The following MOB3B variants were observed in gnomAD, a reference collection of about 807,000 sequenced individuals.
MOB3B encodes the protein MOB kinase activator 3B, also known as MOB kinase activator-like 2B.
Under a neutral mutation model 18.7 loss-of-function variants are expected in MOB3B, and 7 were observed. That is an observed-to-expected ratio of 0.37 (90% CI 0.21 to 0.70). The LOEUF (loss-of-function observed/expected upper bound fraction) is 0.70, where lower values mean the gene tolerates loss of function less well. MOB3B is among the 30% of genes least tolerant of loss of function. MOB3B has a pLI of 0.52. For missense variants in MOB3B, 253 were observed against 281.3 expected, an observed-to-expected ratio of 0.90 and a Z score of 0.72; for synonymous variants, 111 against 99.9, an observed-to-expected ratio of 1.11 and a Z score of -0.66.
intron 2 of MOB3B, among the ~76,000 whole-genome samples, chr9:27,395,641 C>T (rs1339064359): frequency 6.6e-6 from 1 of 152,138 alleles, no homozygotes; most frequent in African/African-American, 2.4e-5. Flanking sequence ...GTGATCTAGT[C>T]AATAACAGGA....
At chr9:27,503,072 A>T (rs1207707501) in intron 1 of MOB3B, among the ~76,000 whole-genome samples, 1 of 152,084 alleles carries the variant, frequency 6.6e-6, no homozygotes, top group African/African-American at 2.4e-5. Flanking sequence ...ATTGTTTCCC[A>T]ATTCAGTGAA....
intron 1 of MOB3B, among the ~76,000 whole-genome samples, chr9:27,472,190 T>C (rs1052115447): frequency 2.0e-5 from 3 of 152,144 alleles, no homozygotes; most frequent in Non-Finnish European, 4.4e-5. Context: ...TCTTGTTTTA[T>C]TCTTTGGGTA....
rs1819897725 is a variant in MOB3B, at chr9:27,496,274, A to G, written c.-199+33281T>C. On this transcript the variant is annotated intron_variant, in intron 1 of 3. Coordinates refer to ENST00000262244, the MANE Select transcript of MOB3B (RefSeq NM_024761.5). ...AACCACTATAGCAAAGTCTGGTTTT[A>G]TTGCCAGGAGATAGAAACCTGTTAA... Among the ~76,000 whole-genome samples the G allele has an allele frequency of 2.0e-5, 3 of 151,212 alleles. No individual in the cohort carries two copies. The South Asian group carries it at 6.3e-4, about 32-fold the overall frequency.
chr9:27,351,419 A>T (rs1821104234), intron 3 of MOB3B, among the ~76,000 whole-genome samples: 1 of 148,818 alleles, frequency 6.7e-6, no homozygotes, highest in Non-Finnish European at 1.5e-5. Context: ...GAGCCATTAC[A>T]TGCCTTGCCC....
At chr9:27,354,188 G>A (rs780623141) in intron 3 of MOB3B, among the ~76,000 whole-genome samples, 10 of 152,238 alleles carry the variant, frequency 6.6e-5, no homozygotes, top group Non-Finnish European at 1.3e-4. Flanking sequence ...TCTTCACCAG[G>A]CTAGCCAGGG....
At chr9:27,522,242 CAAAAAAAAA>C (rs1171362204) in intron 1 of MOB3B, among the ~76,000 whole-genome samples, 1 of 56,046 alleles carries the variant, frequency 1.8e-5, no homozygotes, top group African/African-American at 7.8e-5. Flanking sequence ...CCCCGTCTCA[CAAAAAAAAA>C]AAAAAAAAAA....
At chr9:27,486,709 T>A (rs755452290) in intron 1 of MOB3B, among the ~76,000 whole-genome samples, 2 of 152,152 alleles carry the variant, frequency 1.3e-5, no homozygotes, top group South Asian at 4.1e-4. Context: ...AGTGTGACTG[T>A]GGGGAGAAGT....
At chr9:27,432,505 C>A (rs1239426681) in intron 2 of MOB3B, among the ~76,000 whole-genome samples, 1 of 152,142 alleles carries the variant, frequency 6.6e-6, no homozygotes, top group African/African-American at 2.4e-5. Context: ...ATCTCATGCC[C>A]AGCACATGGT....
intron 2 of MOB3B, among the ~76,000 whole-genome samples, chr9:27,395,448 ATT>A (rs148114962): frequency 1.1e-3 from 161 of 149,766 alleles, no homozygotes; most frequent in African/African-American, 3.7e-3. Flanking sequence ...TAATAAATAG[ATT>A]TTTTAAAAAA....
intron 2 of MOB3B, among the ~76,000 whole-genome samples, chr9:27,444,162 GGAAGGAAGGAAA>G (rs1021833992): frequency 1.4e-5 from 2 of 144,402 alleles, no homozygotes; most frequent in Non-Finnish European, 1.5e-5. Flanking sequence ...AAAGAAGGAA[GGAAGGAAGGAAA>G]GAAGGAAGGA....
intron 2 of MOB3B, among the ~76,000 whole-genome samples, chr9:27,400,283 G>A (rs1013423847): frequency 1.3e-5 from 2 of 152,154 alleles, no homozygotes; most frequent in African/African-American, 4.8e-5. Flanking sequence ...TGTAGATACA[G>A]CTCTCCAAAA....
At chr9:27,390,925 T>C (rs1230864752) in intron 2 of MOB3B, among the ~76,000 whole-genome samples, 1 of 152,164 alleles carries the variant, frequency 6.6e-6, no homozygotes, top group Non-Finnish European at 1.5e-5. Flanking sequence ...ACTGAGAAAC[T>C]GGCAGTCTAC....
chr9:27,329,417 G>A lies in MOB3B; in HGVS notation c.*1170C>T, dbSNP rs1820756985. The stretch of plus-strand genomic sequence containing the variant: ...AAATTGGAAAGGATGAAAGAAGGAA[G>A]TTAGCTCCAGCTCCACTGTTACCTT... On this transcript the variant is annotated 3_prime_UTR_variant, in exon 4 of 4. Transcript: ENST00000262244. The A allele has an allele frequency of 6.6e-6, 1 of 152,184 alleles. No homozygotes were observed. The highest frequency in any genetic ancestry group is 6.5e-5 in the Admixed American group (1 of 15,280). The allele number at this position is 152,184 out of a possible 1,614,324, so 9.4% of individuals were successfully genotyped here.
intron 2 of MOB3B, among the ~76,000 whole-genome samples, chr9:27,365,093 T>C (rs369237561): frequency 5.4e-5 from 8 of 147,696 alleles, no homozygotes; most frequent in African/African-American, 2.0e-4. Flanking sequence ...TCGATCAAAA[T>C]TGAATCAGAA....
chr9:27,514,398 A>G (rs1820199001), intron 1 of MOB3B, among the ~76,000 whole-genome samples: 1 of 150,576 alleles, frequency 6.6e-6, no homozygotes, highest in South Asian at 2.1e-4. Context: ...AGATTCCTAT[A>G]TCTGGAACTA....
intron 2 of MOB3B, among the ~76,000 whole-genome samples, chr9:27,394,517 G>A (rs1316511129): frequency 1.3e-5 from 2 of 152,270 alleles, no homozygotes; most frequent in South Asian, 4.2e-4. Context: ...TATAAAGACT[G>A]ACAAACCCAC....
chr9:27,352,176 T>C (rs144921191), intron 3 of MOB3B, among the ~76,000 whole-genome samples: 27 of 151,722 alleles, frequency 1.8e-4, no homozygotes, highest in African/African-American at 5.6e-4. Flanking sequence ...AGCTCAGGAG[T>C]TCCAGACCAG....
intron 2 of MOB3B, among the ~76,000 whole-genome samples, chr9:27,376,192 A>C (rs546151100): frequency 6.6e-6 from 1 of 152,242 alleles, no homozygotes; most frequent in Non-Finnish European, 1.5e-5. Flanking sequence ...TAACCATCAC[A>C]CAGACTCAGC....
intron 2 of MOB3B, among the ~76,000 whole-genome samples, chr9:27,409,577 C>A (rs1382408216): frequency 1.3e-5 from 2 of 152,000 alleles, no homozygotes; most frequent in Non-Finnish European, 2.9e-5. Context: ...AATTCCACAT[C>A]TAGGTATATA....
Sources: allele counts gnomAD v4.1 joint callset (sites outside exome capture counted in the v4.1 genomes callset), GRCh38; gene constraint gnomAD v4.1.1; transcripts MANE v1.5; gene names NCBI Gene and HGNC (gene_info 2026-07-23, HGNC 2026-07-21).